Variants in RNF169 observed in about 807,000 individuals in gnomAD.
RNF169 encodes the protein E3 ubiquitin-protein ligase RNF169.
RNF169 carries 24 observed loss-of-function variants against 53.9 expected under a neutral mutation model. The ratio of observed to expected loss-of-function variants is 0.45; its 90% CI spans 0.32 to 0.63. The LOEUF (loss-of-function observed/expected upper bound fraction) is 0.63. Among genes scored for constraint, RNF169 ranks in the 20% least tolerant of loss-of-function variants. The pLI, the probability that RNF169 is intolerant of heterozygous loss-of-function variation, is 0.04. For synonymous variants in RNF169, 396 were observed against 363.5 expected, an observed-to-expected ratio of 1.09 and a Z score of -1.02; for missense variants, 883 against 906.2, an observed-to-expected ratio of 0.97 and a Z score of 0.33.
At chr11:74,774,825 G>A (rs2035309637) in intron 1 of RNF169, among the ~76,000 whole-genome samples, 1 of 152,142 alleles carries the variant, frequency 6.6e-6, no homozygotes, top group African/African-American at 2.4e-5. Flanking sequence ...CAGGCATGGT[G>A]GCACATGCCT....
At chr11:74,830,274 T>C (rs2036158634) in intron 4 of RNF169, among the ~76,000 whole-genome samples, 1 of 152,072 alleles carries the variant, frequency 6.6e-6, no homozygotes, top group Non-Finnish European at 1.5e-5. Flanking sequence ...AATTGACAAA[T>C]TTTTAACGAC....
intron 2 of RNF169, among the ~76,000 whole-genome samples, chr11:74,796,308 T>A (rs1306026727): frequency 6.6e-6 from 1 of 152,232 alleles, no homozygotes; most frequent in Non-Finnish European, 1.5e-5. Context: ...TTCATCTGGA[T>A]ATACATCTTA....
intron 1 of RNF169, among the ~76,000 whole-genome samples, chr11:74,771,625 G>A (rs893456449): frequency 6.6e-6 from 1 of 152,156 alleles, no homozygotes; most frequent in Non-Finnish European, 1.5e-5. Context: ...GATTGCTTGA[G>A]CCCAGGAGTT....
rs775748452 is a variant in RNF169, at chr11:74,769,072, GA to G, written c.502+19691del. Among the ~76,000 whole-genome samples the G allele has an allele frequency of 6.6e-5, 10 of 152,092 alleles. 1 individual carries two copies. Among genetic ancestry groups the G allele is most frequent in the Admixed American group, 5.2e-4 (8 of 15,262 alleles). ...AACAAACACACCAGAAACAGAAAAA[GA>G]GATTAAGTAAGAAGACCAACCAGAG... On this transcript the variant is annotated intron_variant, in intron 1 of 5. Coordinates refer to ENST00000299563, the MANE Select transcript of RNF169 (RefSeq NM_001098638.2).
chr11:74,758,786 G>A (rs983463822), intron 1 of RNF169, among the ~76,000 whole-genome samples: 1 of 152,150 alleles, frequency 6.6e-6, no homozygotes, highest in African/African-American at 2.4e-5. Context: ...TTACAGGCGT[G>A]AGCCACCGCG....
Position 74,755,356 on chromosome 11 carries a change from C to T in RNF169, c.502+5974C>T, listed in dbSNP as rs368205634. Among the ~76,000 whole-genome samples, 77 of 152,322 alleles carry T rather than the reference C, an allele frequency of 5.1e-4. 1 individual carries two copies. The highest frequency in any genetic ancestry group is 1.8e-3 in the African/African-American group (73 of 41,570). On this transcript the variant is annotated intron_variant, in intron 1 of 5. Transcript: ENST00000299563. ...ATTTGTTTATTCATATTTTCACTCC[C>T]TGTCTTCTAGTTAATCCTGAAAGAG...
intron 1 of RNF169, among the ~76,000 whole-genome samples, chr11:74,777,245 C>A (rs1036356272): frequency 1.3e-5 from 2 of 152,194 alleles, no homozygotes; most frequent in Non-Finnish European, 2.9e-5. Context: ...GCAGGTCTGT[C>A]TGGTTCCAAA....
intron 4 of RNF169, among the ~76,000 whole-genome samples, chr11:74,834,457 A>C (rs2036221943): frequency 6.6e-6 from 1 of 152,232 alleles, no homozygotes; most frequent in Admixed American, 6.5e-5. Context: ...GTTTGGAAAC[A>C]AAATCTTGAA....
At position 74,834,758 on chromosome 11, in the gene RNF169, C is replaced by T. The variant is rs2036228451; in HGVS notation, c.925C>T (p.Pro309Ser). 6.2e-7 allele frequency: 1 copy of T among 1,613,672 alleles called. No homozygotes were observed. The highest frequency in any genetic ancestry group is 8.5e-7 in the Non-Finnish European group (1 of 1,179,838). ...AGCGAAGAGCAGAGTCAGAGCAGTT[C>T]CAGGCAACAAAGCCAAGGTACACCT... is the stretch of plus-strand genomic sequence containing the variant. ...ERAKSRVRAV[P>S]GNKAKVTTMT... The change falls in exon 5 of 6, where the codon CCA (proline) becomes TCA (serine). Residue 309 changes from proline to serine, a missense_variant. Around this residue, in one of 3 missense-constraint regions of RNF169, gnomAD observed 219 missense variants for 289.1 expected, o/e 0.76. Coordinates refer to ENST00000299563, the MANE Select transcript of RNF169 (RefSeq NM_001098638.2).
At chr11:74,817,542 A>G in intron 3 of RNF169, 54 bp from the exon 4 acceptor site, 5 of 1,081,530 alleles carry the variant, frequency 4.6e-6, no homozygotes, top group Non-Finnish European at 7.2e-6. Context: ...TAGCTAGAGT[A>G]GATGCCTTGG....
rs773913244 is a variant in RNF169 at position 74,802,324 on chromosome 11, T to C, written c.577-7860T>C. 2.6e-5 allele frequency among the ~76,000 whole-genome samples: 4 copies of C among 152,290 alleles called. No individual in the cohort carries two copies. The East Asian group carries it at 5.8e-4, about 22-fold the overall frequency. On this transcript the variant is annotated intron_variant, in intron 2 of 5. Transcript: ENST00000299563. ...TAGGTATGGTTTGTGTCAAAAAATA[T>C]CTTTGTTGGAAGGACCTTTTATAAA...
Position 74,748,936 on chromosome 11 carries a change from T to A in RNF169, c.56T>A (p.Leu19Gln), listed in dbSNP as rs1447608140. Residue 19 changes from leucine (L) to glutamine (Q), a missense_variant, in exon 1 of 6, where the codon CTG (leucine) becomes CAG (glutamine). By Grantham distance (113) the Leu-to-Gln change is moderately radical. Coordinates refer to ENST00000299563, the MANE Select transcript of RNF169 (RefSeq NM_001098638.2). ...RASSAAAAAA[L>Q]SRRGRRGRCD... is the part of the protein sequence containing the mutation. The stretch of plus-strand genomic sequence containing the variant: ...TCTTCCGCGGCGGCAGCAGCCGCTC[T>A]GAGTCGGCGGGGCCGGCGGGGCCGC... 10 of 1,469,998 alleles carry A rather than the reference T, an allele frequency of 6.8e-6. No individual in the cohort carries two copies. The highest frequency in any genetic ancestry group is 9.1e-6 in the Non-Finnish European group (10 of 1,101,006). 91.1% of individuals were successfully genotyped at this position (1,469,998 alleles called of 1,614,324 possible). A position where few individuals can be genotyped will look rare whatever the true frequency, so the allele number is the denominator to read the frequency against.
chr11:74,811,860 G>A (rs2035880518), intron 3 of RNF169, among the ~76,000 whole-genome samples: 1 of 152,162 alleles, frequency 6.6e-6, no homozygotes, highest in African/African-American at 2.4e-5. Context: ...CGTGTATGTA[G>A]TATGTTGTAT....
intron 1 of RNF169, among the ~76,000 whole-genome samples, chr11:74,764,488 C>T (rs568701872): frequency 1.3e-5 from 2 of 152,218 alleles, no homozygotes; most frequent in East Asian, 3.9e-4. Context: ...TGCACTCCAG[C>T]TTGGGCAACC....
At chr11:74,809,095 G>T (rs895150917) in intron 2 of RNF169, among the ~76,000 whole-genome samples, 40 of 150,552 alleles carry the variant, frequency 2.7e-4, no homozygotes, top group East Asian at 9.7e-4. Flanking sequence ...TTGTTGTGGG[G>T]TTTTTTTTTC....
intron 2 of RNF169, among the ~76,000 whole-genome samples, chr11:74,809,707 T>A (rs1439984591): frequency 3.9e-5 from 6 of 152,240 alleles, no homozygotes; most frequent in Non-Finnish European, 7.3e-5. Flanking sequence ...TCTTGACTTA[T>A]CCTGTAACTG....
chr11:74,791,798 C>T (rs1242892735), intron 2 of RNF169, among the ~76,000 whole-genome samples: 1 of 152,196 alleles, frequency 6.6e-6, no homozygotes, highest in African/African-American at 2.4e-5. Flanking sequence ...GTGGCTACAG[C>T]TACACCCAGC....
intron 1 of RNF169, among the ~76,000 whole-genome samples, chr11:74,777,977 G>A (rs1372574941): frequency 2.0e-5 from 3 of 152,164 alleles, no homozygotes; most frequent in Admixed American, 6.5e-5. Flanking sequence ...AGCAAACTAC[G>A]GTCAGCAGGC....
intron 2 of RNF169, among the ~76,000 whole-genome samples, chr11:74,800,904 C>T (rs2135102606): frequency 6.6e-6 from 1 of 152,264 alleles, no homozygotes. Context: ...AATATATCTG[C>T]CGGTTCAATT....
Sources: gnomAD v4.1 joint callset for allele counts (sites outside exome capture counted in the v4.1 genomes callset) on GRCh38, gnomAD v4.1.1 for gene constraint, gnomAD v4.1.1 regional missense constraint, MANE v1.5 for transcripts, NCBI Gene and HGNC (gene_info 2026-07-23, HGNC 2026-07-21) for gene names.